Variants in DNAJC10 observed in about 807,000 individuals in gnomAD.
DNAJC10 encodes the protein DnaJ heat shock protein family (Hsp40) member C10, also known as endoplasmic reticulum disulfide reductase DNAJC10.
In DNAJC10, 101 loss-of-function variants were observed where a neutral mutation model predicts 115.0. The observed-to-expected ratio is 0.88, with a 90% confidence interval of 0.75 to 1.04. The LOEUF is 1.04. DNAJC10 is among the 50% of genes least tolerant of loss of function. The pLI is 0.00. For missense variants in DNAJC10, 981 were observed against 928.8 expected (o/e 1.06, Z -0.73); for synonymous variants, 307 against 301.5 (o/e 1.02, Z -0.19).
At chr2:182,718,917 T>A (rs532320648) in intron 3 of DNAJC10, among the ~76,000 whole-genome samples, 1 of 152,278 alleles carries the variant, frequency 6.6e-6, no homozygotes, top group South Asian at 2.1e-4. Flanking sequence ...CGTTCATCAT[T>A]AACAAGAAGA....
chr2:182,736,178 G>A (rs1305779244), intron 10 of DNAJC10, 71 bp from the exon 11 acceptor site: 7 of 1,458,770 alleles, frequency 4.8e-6, no homozygotes, highest in Admixed American at 5.6e-5. Flanking sequence ...TTTTAGCTAA[G>A]TAAAGCTCTA....
Position 182,775,407 on chromosome 2 carries a change from G to A in DNAJC10, c.2357G>A (p.Gly786Asp). 2 of 1,611,598 alleles carry A rather than the reference G, an allele frequency of 1.2e-6. No homozygotes were observed. The highest frequency in any genetic ancestry group is 1.7e-6 in the Non-Finnish European group (2 of 1,178,198). Residue 786 changes from glycine (G) to aspartate (D), a missense_variant, in exon 23 of 24, where the codon GGC (glycine) becomes GAC (aspartate). Transcript: ENST00000264065. ...SEKLETLRNQ[G>D]KRNKDEL Reference sequence around the variant, plus strand: ...AAATTGGAAACTCTCCGAAATCAAGGCAAGAGGAATAAGGTATGGACTAAG... The same window carrying A: ...AAATTGGAAACTCTCCGAAATCAAGACAAGAGGAATAAGGTATGGACTAAG...
At position 182,778,617 on chromosome 2, in the gene DNAJC10, C is replaced by A. The variant is rs1268859600; in HGVS notation, c.*1485C>A. 6.6e-6 allele frequency: 1 copy of A among 152,066 alleles called. No homozygotes were observed. The highest frequency in any genetic ancestry group is 2.4e-5 in the African/African-American group (1 of 41,410). 9.4% of individuals were successfully genotyped at this position (152,066 alleles called of 1,614,324 possible). A position where few individuals can be genotyped will look rare whatever the true frequency, so the allele number is the denominator to read the frequency against. ...TATTTCCTCATAAGGGTTATTATAG[C>A]CATAATTAATGTTAAAATAGACTTT... On this transcript the variant is annotated 3_prime_UTR_variant, in exon 24 of 24. Coordinates refer to ENST00000264065, the MANE Select transcript of DNAJC10 (RefSeq NM_018981.4).
At chr2:182,726,395 A>C (rs137966810) in intron 5 of DNAJC10, among the ~76,000 whole-genome samples, 1 of 152,314 alleles carries the variant, frequency 6.6e-6, no homozygotes, top group African/African-American at 2.4e-5. Flanking sequence ...CCTGGTGAAG[A>C]TCCTGTAAAC....
intron 23 of DNAJC10, among the ~76,000 whole-genome samples, chr2:182,775,822 C>T (rs1331189306): frequency 6.6e-6 from 1 of 152,102 alleles, no homozygotes; most frequent in Non-Finnish European, 1.5e-5. Flanking sequence ...TGTTTGAACT[C>T]TGGAAAATGT....
rs1454683311 is a variant in DNAJC10, at chr2:182,752,116, A to G, written c.1479A>G (p.Ala493=). The part of the protein sequence containing the change: ...CRALLPELRR[A]SNLLYGQLKF... ...CTTTACTACCAGAGTTACGAAGAGC[A>G]TCAAATCTTCTTTATGGTCAGCTTA... Residue 493 remains alanine (A), a synonymous_variant, in exon 16 of 24, where the codon GCA becomes GCG. Transcript: ENST00000264065. The G allele has an allele frequency of 6.2e-7, 1 of 1,613,916 alleles. No individual in the cohort carries two copies.
chr2:182,772,937 A>G (rs572213498), intron 22 of DNAJC10, among the ~76,000 whole-genome samples: 3 of 152,344 alleles, frequency 2.0e-5, no homozygotes, highest in South Asian at 2.1e-4. Context: ...CATAGCATCA[A>G]TGGTCTTTAC....
intron 18 of DNAJC10, 140 bp from the exon 19 acceptor site, chr2:182,757,552 T>TA (rs1313789828): frequency 1.8e-6 from 1 of 569,252 alleles, no homozygotes; most frequent in Non-Finnish European, 2.8e-6. Context: ...TATTATATGT[T>TA]AAACCCTTAT....
rs553546262 is a variant in DNAJC10, at chr2:182,785,466, A to G, written c.*8334A>G. On this transcript the variant is annotated 3_prime_UTR_variant, in exon 24 of 24. Coordinates refer to ENST00000264065, the MANE Select transcript of DNAJC10 (RefSeq NM_018981.4). ...TACTATGAGTTTGGAAAAATTGCTT[A>G]CTTCATATCTGTATCCTAATTATCC... is the stretch of plus-strand genomic sequence containing the variant. The G allele has an allele frequency of 1.3e-5, 2 of 152,250 alleles. No individual in the cohort carries two copies. Among genetic ancestry groups the G allele is most frequent in the South Asian group, 2.1e-4 (1 of 4,824 alleles). 9.4% of individuals were successfully genotyped at this position (152,250 alleles called of 1,614,324 possible).
intron 21 of DNAJC10, among the ~76,000 whole-genome samples, chr2:182,760,212 AT>A (rs780663834): frequency 4.6e-5 from 7 of 151,864 alleles, no homozygotes; most frequent in Non-Finnish European, 1.0e-4. Context: ...GGTCATCTGT[AT>A]TTTTTCTCCT....
intron 5 of DNAJC10, 34 bp from the exon 6 acceptor site, chr2:182,728,542 A>T: frequency 6.7e-7 from 1 of 1,483,274 alleles, no homozygotes; most frequent in Non-Finnish European, 9.3e-7. Flanking sequence ...TTTAATAAAT[A>T]ATTCTAAGTT....
At chr2:182,722,465 A>G (rs1693175722) in intron 5 of DNAJC10, among the ~76,000 whole-genome samples, 1 of 152,228 alleles carries the variant, frequency 6.6e-6, no homozygotes, top group South Asian at 2.1e-4. Context: ...AAATGGCCAT[A>G]AAAATACAGT....
At chr2:182,729,746 C>T in intron 7 of DNAJC10, 102 bp from the exon 8 acceptor site, 1 of 656,576 alleles carries the variant, frequency 1.5e-6, no homozygotes, top group South Asian at 2.4e-5. Context: ...AGCTTTGCTG[C>T]ATTATTCAAG....
At chr2:182,770,693 TAAG>T (rs1442803951) in intron 22 of DNAJC10, among the ~76,000 whole-genome samples, 3 of 152,222 alleles carry the variant, frequency 2.0e-5, no homozygotes, top group Non-Finnish European at 4.4e-5. Flanking sequence ...CTTATCAGCT[TAAG>T]GAGATTTTGG....
At chr2:182,769,581 G>C (rs1368079389) in intron 22 of DNAJC10, among the ~76,000 whole-genome samples, 1 of 152,206 alleles carries the variant, frequency 6.6e-6, no homozygotes, top group Non-Finnish European at 1.5e-5. Flanking sequence ...GACCAGTGAT[G>C]ATGAGCATTT....
At chr2:182,718,977 T>C (rs1009102896) in intron 3 of DNAJC10, among the ~76,000 whole-genome samples, 1 of 152,142 alleles carries the variant, frequency 6.6e-6, no homozygotes, top group African/African-American at 2.4e-5. Context: ...AATAGGATTA[T>C]TTTCATTGCA....
chr2:182,767,811 T>C (rs764375698), intron 22 of DNAJC10, among the ~76,000 whole-genome samples: 2 of 152,134 alleles, frequency 1.3e-5, no homozygotes, highest in African/African-American at 4.8e-5. Context: ...TGTGGCCTTG[T>C]AAAAATGCTC....
chr2:182,747,498 G>A (rs1159791800), intron 14 of DNAJC10, among the ~76,000 whole-genome samples: 1 of 148,772 alleles, frequency 6.7e-6, no homozygotes, highest in African/African-American at 2.5e-5. Flanking sequence ...TAGCAATTGT[G>A]AATGGGAGTT....
At chr2:182,760,011 A>G (rs1694251415) in intron 21 of DNAJC10, among the ~76,000 whole-genome samples, 1 of 152,154 alleles carries the variant, frequency 6.6e-6, no homozygotes. Context: ...TGATCTTCTA[A>G]AATATTTCCC....
Sources: allele counts gnomAD v4.1 joint callset (sites outside exome capture counted in the v4.1 genomes callset), GRCh38; gene constraint gnomAD v4.1.1; transcripts MANE v1.5; gene names NCBI Gene and HGNC (gene_info 2026-07-23, HGNC 2026-07-21).